CACNA2D1: variants seen among roughly 807,000 people sequenced by gnomAD.
CACNA2D1 encodes the protein voltage-dependent calcium channel subunit alpha-2/delta-1.
In CACNA2D1, 53 loss-of-function variants were observed where a neutral mutation model predicts 171.5. That is an observed-to-expected ratio of 0.31 (90% confidence interval 0.25 to 0.39). The LOEUF is 0.39. Among genes scored for constraint, CACNA2D1 ranks in the 10% least tolerant of loss-of-function variants. CACNA2D1 has a pLI of 1.00. For synonymous variants in CACNA2D1, 442 were observed against 443.1 expected (o/e 1.00, Z 0.03); for missense variants, 903 against 1,299.8 (o/e 0.69, Z 4.69).
intron 4 of CACNA2D1, among the ~76,000 whole-genome samples, chr7:82,156,695 A>AAC (rs66584905): frequency 0.4 from 60,398 of 150,738 alleles, 12,272 homozygotes; most frequent in Middle Eastern, 0.53. Flanking sequence ...CAAGATATTA[A>AAC]ACGTTTTTTT....
At position 82,349,565 on chromosome 7, in the gene CACNA2D1, C is replaced by T. The variant is rs1259066765; in HGVS notation, c.177+3G>A. 1.2e-6 allele frequency: 2 copies of T among 1,610,748 alleles called. No homozygotes were observed. The highest frequency in any genetic ancestry group is 4.5e-5 in the East Asian group (2 of 44,846). ...AGAAATCTCTTTGGTGGATTTTACTCACATCAACAAGCTGATTGACTCCAC... is the reference window on the plus strand; with the variant it reads ...AGAAATCTCTTTGGTGGATTTTACTTACATCAACAAGCTGATTGACTCCAC... On this transcript the variant is annotated splice_donor_region_variant and intron_variant, in intron 2 of 38. Transcript: ENST00000356860.
chr7:82,157,494 G>T (rs964845066), intron 4 of CACNA2D1, among the ~76,000 whole-genome samples: 6 of 151,982 alleles, frequency 3.9e-5, no homozygotes, highest in African/African-American at 1.4e-4. Flanking sequence ...TAAAATCCAG[G>T]TTATTAAATT....
At chr7:82,123,354 T>C (rs1269290551) in intron 5 of CACNA2D1, among the ~76,000 whole-genome samples, 1 of 152,156 alleles carries the variant, frequency 6.6e-6, no homozygotes, top group East Asian at 1.9e-4. Context: ...GGACTCAAAG[T>C]TTAACAAGCT....
At chr7:82,308,834 A>C (rs1814061652) in intron 3 of CACNA2D1, among the ~76,000 whole-genome samples, 1 of 152,214 alleles carries the variant, frequency 6.6e-6, no homozygotes, top group Non-Finnish European at 1.5e-5. Flanking sequence ...TTGAGACAGA[A>C]ATTTTCTCTC....
At chr7:82,046,336 T>A (rs763610959) in intron 10 of CACNA2D1, among the ~76,000 whole-genome samples, 2 of 152,186 alleles carry the variant, frequency 1.3e-5, no homozygotes, top group Non-Finnish European at 2.9e-5. Context: ...GACATAAATA[T>A]CTTCACTAAT....
rs1240016637 is a variant in CACNA2D1, at chr7:82,186,243, GAAGGAAGGAAGA to G, written c.295-15646_295-15635del. On this transcript the variant is annotated intron_variant, in intron 3 of 38. Transcript: ENST00000356860. ...AAAGAGAGAGAGAGAAGGAAGGAAG[GAAGGAAGGAAGA>G]AAGGAAGGAAGGAAGGAAGGAAGGA... 3.3e-3 allele frequency among the ~76,000 whole-genome samples: 390 copies of G among 117,354 alleles called. 3 individuals are homozygous for G. Among genetic ancestry groups the G allele is most frequent in the African/African-American group, 0.012 (365 of 30,568 alleles). 77.0% of individuals were successfully genotyped at this position (117,354 alleles called of 152,430 possible).
At chr7:82,016,974 A>T (rs1317645425) in intron 12 of CACNA2D1, among the ~76,000 whole-genome samples, 2 of 152,048 alleles carry the variant, frequency 1.3e-5, no homozygotes, top group African/African-American at 2.4e-5. Context: ...TTTTATTCCA[A>T]GTGTTTACTA....
intron 6 of CACNA2D1, among the ~76,000 whole-genome samples, chr7:82,096,091 C>T (rs1811828397): frequency 6.6e-6 from 1 of 152,132 alleles, no homozygotes; most frequent in African/African-American, 2.4e-5. Flanking sequence ...TTACTAAACA[C>T]CTATTATGTG....
intron 12 of CACNA2D1, among the ~76,000 whole-genome samples, chr7:82,018,278 C>T (rs1800752124): frequency 6.6e-6 from 1 of 152,116 alleles, no homozygotes; most frequent in Non-Finnish European, 1.5e-5. Context: ...ATTGTAGTGT[C>T]TTACTCATAA....
Position 82,066,539 on chromosome 7 carries a change from A to T in CACNA2D1, c.659-15T>A, listed in dbSNP as rs1046985886. 1.7e-4 allele frequency: 268 copies of T among 1,589,070 alleles called. 1 individual carries two copies. The highest frequency in any genetic ancestry group is 2.2e-4 in the Non-Finnish European group (254 of 1,170,298). On this transcript the variant is annotated splice_polypyrimidine_tract_variant and intron_variant, in intron 7 of 38. Transcript: ENST00000356860. The stretch of plus-strand genomic sequence containing the variant: ...CCATGGTGAAGCTAAAAAAAAAAAA[A>T]AAAGAGAGATATTAAATCAAAATAT...
intron 12 of CACNA2D1, among the ~76,000 whole-genome samples, chr7:82,019,471 G>A (rs939326678): frequency 6.6e-6 from 1 of 151,994 alleles, no homozygotes; most frequent in Non-Finnish European, 1.5e-5. Context: ...TACAGCTCTG[G>A]CCTACTTGAT....
chr7:81,966,701 T>C (rs184247942), intron 31 of CACNA2D1, among the ~76,000 whole-genome samples: 1 of 151,536 alleles, frequency 6.6e-6, no homozygotes, highest in Admixed American at 6.6e-5. Context: ...ACTCAATCCA[T>C]GTAACTATAA....
chr7:82,242,790 A>G (rs771236857), intron 3 of CACNA2D1, among the ~76,000 whole-genome samples: 35 of 117,740 alleles, frequency 3.0e-4, no homozygotes, highest in Admixed American at 2.2e-3. Context: ...ATTCCAAATC[A>G]ATTTTATGAG....
intron 1 of CACNA2D1, among the ~76,000 whole-genome samples, chr7:82,407,130 C>T (rs999185066): frequency 3.9e-5 from 6 of 152,168 alleles, no homozygotes; most frequent in Non-Finnish European, 7.3e-5. Context: ...CTCAAATTAA[C>T]AACTGCCTGA....
chr7:82,187,372 T>C (rs1778397776), intron 3 of CACNA2D1, among the ~76,000 whole-genome samples: 2 of 152,076 alleles, frequency 1.3e-5, no homozygotes, highest in Non-Finnish European at 2.9e-5. Flanking sequence ...CAATCTAACC[T>C]ATAGAGTAGG....
intron 1 of CACNA2D1, among the ~76,000 whole-genome samples, chr7:82,402,251 A>G (rs557096967): frequency 3.3e-5 from 5 of 152,366 alleles, no homozygotes; most frequent in Admixed American, 1.3e-4. Flanking sequence ...GCTATTTATC[A>G]GCAGATAGTA....
At chr7:82,303,854 A>T (rs1813362395) in intron 3 of CACNA2D1, among the ~76,000 whole-genome samples, 1 of 152,166 alleles carries the variant, frequency 6.6e-6, no homozygotes, top group African/African-American at 2.4e-5. Context: ...ACAAAAACAA[A>T]ATTAGACAAA....
intron 1 of CACNA2D1, among the ~76,000 whole-genome samples, chr7:82,366,092 A>G (rs1365448390): frequency 6.6e-6 from 1 of 152,230 alleles, no homozygotes; most frequent in African/African-American, 2.4e-5. Flanking sequence ...ACTCGTTGCT[A>G]CAGCACAGAT....
At chr7:82,238,536 A>G (rs1214501696) in intron 3 of CACNA2D1, among the ~76,000 whole-genome samples, 1 of 152,090 alleles carries the variant, frequency 6.6e-6, no homozygotes, top group East Asian at 1.9e-4. Flanking sequence ...ATGAGATACC[A>G]TCAGAATGGC....
Sources: allele counts gnomAD v4.1 joint callset (sites outside exome capture counted in the v4.1 genomes callset), GRCh38; gene constraint gnomAD v4.1.1; transcripts MANE v1.5; gene names NCBI Gene and HGNC (gene_info 2026-07-23, HGNC 2026-07-21).